Variants in AFAP1L2 observed in about 807,000 individuals in gnomAD.
AFAP1L2 encodes actin filament associated protein 1 like 2.
In AFAP1L2, 46 loss-of-function variants were observed where a neutral mutation model predicts 99.3. The observed-to-expected ratio is 0.46, with a 90% confidence interval of 0.37 to 0.59. AFAP1L2 has a LOEUF of 0.59. Among genes scored for constraint, AFAP1L2 ranks in the 20% least tolerant of loss-of-function variants. The pLI is 0.00. For synonymous variants in AFAP1L2, 397 were observed against 419.1 expected (o/e 0.95, Z 0.64); for missense variants, 959 against 1,034.9 (o/e 0.93, Z 1.01).
At position 114,317,939 on chromosome 10, in the gene AFAP1L2, G is replaced by A. The variant is rs1468509821; in HGVS notation, c.407-2174C>T. 2.0e-5 allele frequency among the ~76,000 whole-genome samples: 3 copies of A among 152,184 alleles called. No homozygotes were observed. The East Asian group carries it at 5.8e-4, about 29-fold the overall frequency. ...TGCTGTTTAGCAGTCAGCAGAAGGG[G>A]ACTGGGTAAGTAAAGCATGATTTTA... On this transcript the variant is annotated intron_variant, in intron 5 of 18. Coordinates refer to ENST00000304129, the MANE Select transcript of AFAP1L2 (RefSeq NM_001001936.3).
At chr10:114,306,002 C>G (rs1458045420) in intron 10 of AFAP1L2, among the ~76,000 whole-genome samples, 13 of 63,036 alleles carry the variant, frequency 2.1e-4, no homozygotes, top group Admixed American at 3.3e-4. Context: ...CAGGAGGGGA[C>G]GCAGATGCAG....
At chr10:114,296,919 G>A in intron 18 of AFAP1L2, 59 bp downstream of exon 18, 1 of 1,612,818 alleles carries the variant, frequency 6.2e-7, no homozygotes. Context: ...TCAGAAGATG[G>A]GCCCCTACCT....
chr10:114,394,768 C>T (rs2057514549), intron 1 of AFAP1L2, among the ~76,000 whole-genome samples: 1 of 152,094 alleles, frequency 6.6e-6, no homozygotes, highest in Admixed American at 6.5e-5. Context: ...CCTGCTTTGC[C>T]CCAGGCTACT....
chr10:114,320,710 G>C (rs1446832109), intron 5 of AFAP1L2, among the ~76,000 whole-genome samples: 2 of 152,190 alleles, frequency 1.3e-5, no homozygotes, highest in Non-Finnish European at 2.9e-5. Context: ...AAGAAGCGCT[G>C]GCCTTTCTGA....
Position 114,310,426 on chromosome 10 carries a change from G to A in AFAP1L2, c.810C>T (p.Ser270=), listed in dbSNP as rs750679021. 229 of 1,613,584 alleles carry A rather than the reference G, an allele frequency of 1.4e-4. No homozygotes were observed. Among genetic ancestry groups the A allele is most frequent in the Non-Finnish European group, 1.8e-4 (218 of 1,179,826 alleles). Reference sequence around the variant, plus strand: ...CAGATGCTCCTTCGGAAGGCAGGCCGCTCACTTCCTGGATGACCTGAGGCA... The same window carrying A: ...CAGATGCTCCTTCGGAAGGCAGGCCACTCACTTCCTGGATGACCTGAGGCA... ...EQWLRVIQEV[S]GLPSEGASEG... Residue 270 remains serine (S), a synonymous_variant, in exon 8 of 19, where the codon AGC becomes AGT. Transcript: ENST00000304129.
At chr10:114,288,997 C>T in the AFAP1L2 span, 1 of 1,614,116 alleles carries the variant, frequency 6.2e-7, no homozygotes, top group Non-Finnish European at 8.5e-7. Flanking sequence ...CTCAGTAGGG[C>T]CCGAGAATTT....
At chr10:114,306,146 C>T (rs1279107782) in intron 10 of AFAP1L2, among the ~76,000 whole-genome samples, 1 of 44,208 alleles carries the variant, frequency 2.3e-5, no homozygotes, top group South Asian at 1.0e-3. Context: ...CAGGAGGGGA[C>T]GGGGCTGCAG....
intron 3 of AFAP1L2, 152 bp downstream of exon 3, chr10:114,333,069 A>G: frequency 2.9e-6 from 2 of 680,692 alleles, no homozygotes; most frequent in Non-Finnish European, 5.0e-6. Flanking sequence ...AACCCAAAAT[A>G]CGACCAACAA....
intron 16 of AFAP1L2, 50 bp downstream of exon 16, chr10:114,299,210 C>T: frequency 1.9e-6 from 3 of 1,607,044 alleles, no homozygotes; most frequent in Non-Finnish European, 2.6e-6. Flanking sequence ...AAAGTTAAGC[C>T]TACACGGCCC....
At chr10:114,323,120 T>C (rs780288329) in intron 5 of AFAP1L2, 51 bp downstream of exon 5, 1 of 1,481,348 alleles carries the variant, frequency 6.8e-7, no homozygotes, top group Non-Finnish European at 9.2e-7. Context: ...CACCAACATC[T>C]GTGCAGGAAG....
downstream of AFAP1L2, among the ~76,000 whole-genome samples, chr10:114,292,899 G>T (rs2039733412): frequency 6.6e-6 from 1 of 152,152 alleles, no homozygotes; most frequent in South Asian, 2.1e-4. Flanking sequence ...TAGAGACAGG[G>T]TTTCACCATG....
At chr10:114,318,556 T>A (rs376213372) in intron 5 of AFAP1L2, among the ~76,000 whole-genome samples, 1 of 151,838 alleles carries the variant, frequency 6.6e-6, no homozygotes, top group Non-Finnish European at 1.5e-5. Context: ...CTGGCCAACA[T>A]GGTGAAACCC....
chr10:114,324,671 C>G (rs1386537909), intron 4 of AFAP1L2, among the ~76,000 whole-genome samples: 11 of 152,224 alleles, frequency 7.2e-5, no homozygotes. Flanking sequence ...GCTGCGCCCT[C>G]CGCGTGAGAG....
chr10:114,371,130 G>A (rs1435094582), intron 1 of AFAP1L2, among the ~76,000 whole-genome samples: 6 of 152,334 alleles, frequency 3.9e-5, no homozygotes, highest in Non-Finnish European at 7.4e-5. Context: ...GTGCCTGGCC[G>A]CTGGCTGGCA....
At chr10:114,353,319 C>T (rs2050824486) in intron 1 of AFAP1L2, among the ~76,000 whole-genome samples, 1 of 152,246 alleles carries the variant, frequency 6.6e-6, no homozygotes, top group African/African-American at 2.4e-5. Flanking sequence ...TCAGCCATGA[C>T]TCAAACTAGC....
chr10:114,325,913 C>T (rs2046202823), intron 4 of AFAP1L2: 2 of 1,289,216 alleles, frequency 1.6e-6, no homozygotes, highest in Middle Eastern at 2.1e-4. Context: ...CCAGTGGGTC[C>T]CAGGGCTCAT....
rs757897953 is a variant in AFAP1L2 at position 114,300,696 on chromosome 10, G to GGA, written c.1543-8_1543-7dup. ...GCTTCCTCGGTAGGCTCCACCTGCA[G>GGA]GAGAGAGTGAGTCTGGGGCATTCAA... On this transcript the variant is annotated splice_polypyrimidine_tract_variant and splice_region_variant and intron_variant, in intron 13 of 18. Coordinates refer to ENST00000304129, the MANE Select transcript of AFAP1L2 (RefSeq NM_001001936.3). The GGA allele has an allele frequency of 1.9e-6, 3 of 1,580,098 alleles. No homozygotes were observed. The highest frequency in any genetic ancestry group is 1.7e-6 in the Non-Finnish European group (2 of 1,161,720).
At chr10:114,297,522 A>G (rs2133904292) in intron 16 of AFAP1L2, 109 bp from the exon 17 acceptor site, 2 of 1,205,428 alleles carry the variant, frequency 1.7e-6, no homozygotes, top group Non-Finnish European at 2.3e-6. Flanking sequence ...GAAGGACCAC[A>G]GGTCTGGCCC....
At chr10:114,327,173 A>ATATATATATATATATT (rs1491191152) in intron 4 of AFAP1L2, among the ~76,000 whole-genome samples, 1 of 18,700 alleles carries the variant, frequency 5.3e-5, no homozygotes, top group African/African-American at 1.1e-4. Context: ...ATATATATAT[A>ATATATATATATATATT]TTTTTTTTTT....
Sources: allele counts gnomAD v4.1 joint callset (sites outside exome capture counted in the v4.1 genomes callset), GRCh38; gene constraint gnomAD v4.1.1; transcripts MANE v1.5; gene names NCBI Gene and HGNC (gene_info 2026-07-23, HGNC 2026-07-21).